Variants in GLB1 observed in about 807,000 individuals in gnomAD.
GLB1 encodes galactosidase beta 1.
GLB1 carries 56 observed loss-of-function variants against 74.0 expected under a neutral mutation model. The observed-to-expected ratio is 0.76, with a 90% CI of 0.61 to 0.94. The LOEUF (loss-of-function observed/expected upper bound fraction) is 0.94, where lower values mean the gene tolerates loss of function less well. Among genes scored for constraint, GLB1 ranks in the 40% least tolerant of loss-of-function variants. GLB1 has a pLI of 0.00. For synonymous variants in GLB1, 323 were observed against 323.6 expected (o/e 1.00, Z 0.02); for missense variants, 787 against 845.5 (o/e 0.93, Z 0.86).
At chr3:33,044,617 A>C (rs1162983662) in intron 10 of GLB1, among the ~76,000 whole-genome samples, 1 of 152,136 alleles carries the variant, frequency 6.6e-6, no homozygotes, top group Non-Finnish European at 1.5e-5. Context: ...GCAACATTTT[A>C]ACAATACATT....
the GLB1 span, among the ~76,000 whole-genome samples, chr3:32,989,374 G>A: frequency 3.9e-5 from 6 of 152,140 alleles, no homozygotes; most frequent in African/African-American, 9.7e-5. Flanking sequence ...AGGCACTTCC[G>A]GCTCACGAAA....
intron 5 of GLB1, 114 bp downstream of exon 5, chr3:33,065,349 C>A (rs976907741): frequency 7.3e-7 from 1 of 1,370,274 alleles, no homozygotes; most frequent in Non-Finnish European, 1.0e-6. Context: ...TGTGGCATTA[C>A]CTCTTAAAGA....
chr3:33,064,650 G>A (rs1699593483), intron 5 of GLB1, among the ~76,000 whole-genome samples: 3 of 151,036 alleles, frequency 2.0e-5, no homozygotes, highest in African/African-American at 7.3e-5. Context: ...GGTGGCATGC[G>A]CCTGTAATCC....
intron 5 of GLB1, among the ~76,000 whole-genome samples, chr3:33,064,696 G>C (rs527555498): frequency 7.3e-6 from 1 of 136,700 alleles, no homozygotes; most frequent in Admixed American, 8.5e-5. Flanking sequence ...AGAATTGCCT[G>C]AACTCAGAAG....
chr3:33,067,358 G>A (rs1439888643), intron 4 of GLB1, among the ~76,000 whole-genome samples: 1 of 151,982 alleles, frequency 6.6e-6, no homozygotes, highest in African/African-American at 2.4e-5. Context: ...GAGTGCAGTG[G>A]TACAATCATG....
chr3:33,017,445 A>C (rs1264894928), intron 13 of GLB1, among the ~76,000 whole-genome samples: 1 of 152,252 alleles, frequency 6.6e-6, no homozygotes, highest in Admixed American at 6.5e-5. Flanking sequence ...CCAAGTTAGA[A>C]GCGAAGAAAC....
chr3:33,082,671 C>G (rs2125569041), intron 1 of GLB1, among the ~76,000 whole-genome samples: 1 of 152,306 alleles, frequency 6.6e-6, no homozygotes, highest in Middle Eastern at 3.4e-3. Context: ...CTAATCTTTT[C>G]AAATCCTACT....
At chr3:32,982,314 CAAAAA>C in the GLB1 span, among the ~76,000 whole-genome samples, 2 of 75,910 alleles carry the variant, frequency 2.6e-5, no homozygotes, top group Non-Finnish European at 3.0e-5. Context: ...ACTCCGTCTC[CAAAAA>C]AAAAAAAAAA....
chr3:33,058,155 C>T lies in GLB1; in HGVS notation c.667G>A (p.Ala223Thr), dbSNP rs778227147. The T allele has an allele frequency of 1.9e-6, 3 of 1,614,000 alleles. No homozygotes were observed. In the African/African-American group the frequency reaches 4.0e-5, roughly 22 times the overall value. Residue 223 changes from alanine (A) to threonine (T), a missense_variant, in exon 6 of 16, where the codon GCA (alanine) becomes ACA (threonine). Ala to Thr is a moderately conservative substitution (Grantham distance 58). Coordinates refer to ENST00000307363, the MANE Select transcript of GLB1 (RefSeq NM_000404.4). The part of the protein sequence containing the change: ...DDVVLFTTDG[A>T]HKTFLKCGAL... ...CCACATTTCAGGAATGTTTTATGTG[C>T]TCCATCAGTGGTAAACAGAACCACA...
At chr3:33,076,302 C>T (rs774714209) in intron 1 of GLB1, among the ~76,000 whole-genome samples, 1 of 152,162 alleles carries the variant, frequency 6.6e-6, no homozygotes, top group Non-Finnish European at 1.5e-5. Flanking sequence ...AGCCACAGAG[C>T]CTCAATATAG....
chr3:33,031,729 AAG>A (rs1698050876), intron 10 of GLB1, among the ~76,000 whole-genome samples: 1 of 146,430 alleles, frequency 6.8e-6, no homozygotes, highest in African/African-American at 2.5e-5. Flanking sequence ...ATATCAAAAA[AAG>A]AGGGAAAATA....
At chr3:33,086,020 G>C (rs1700492534) in intron 1 of GLB1, among the ~76,000 whole-genome samples, 1 of 151,832 alleles carries the variant, frequency 6.6e-6, no homozygotes, top group Non-Finnish European at 1.5e-5. Context: ...TGAGAGTGCA[G>C]TGAGTTACAG....
intron 1 of GLB1, among the ~76,000 whole-genome samples, chr3:33,084,271 C>A (rs1043281759): frequency 2.6e-5 from 4 of 152,302 alleles, no homozygotes; most frequent in African/African-American, 9.6e-5. Flanking sequence ...ATTTGCATAA[C>A]ACGGGCTTCT....
At chr3:33,022,444 A>C (rs1184771910) in intron 11 of GLB1, among the ~76,000 whole-genome samples, 2 of 152,004 alleles carry the variant, frequency 1.3e-5, no homozygotes, top group Non-Finnish European at 2.9e-5. Flanking sequence ...TGAGGCAGGT[A>C]CTACTGTCCC....
chr3:33,013,207 C>T (rs1027390462), intron 15 of GLB1, among the ~76,000 whole-genome samples: 16 of 152,226 alleles, frequency 1.1e-4, no homozygotes, highest in African/African-American at 7.2e-5. Flanking sequence ...CTTACTCATC[C>T]TTCATATCTC....
chr3:32,980,885 G>T, the GLB1 span, among the ~76,000 whole-genome samples: 5 of 151,980 alleles, frequency 3.3e-5, no homozygotes, highest in Non-Finnish European at 7.4e-5. Flanking sequence ...GAGGTCAGAA[G>T]TTCGAGACCA....
intron 1 of GLB1, among the ~76,000 whole-genome samples, chr3:33,075,475 T>C (rs1700072343): frequency 6.6e-6 from 1 of 152,204 alleles, no homozygotes; most frequent in Non-Finnish European, 1.5e-5. Flanking sequence ...CTACCATCCA[T>C]TTACAAATAT....
In GLB1 at chr3:33,091,375, T is replaced by C. The variant is rs116853659; in HGVS notation, c.75+5636A>G. 1.5e-5 allele frequency: 15 copies of C among 985,392 alleles called. 1 individual carries two copies. In the East Asian group the frequency reaches 1.7e-3, roughly 112 times the overall value. 61.0% of individuals were successfully genotyped at this position (985,392 alleles called of 1,614,324 possible). On this transcript the variant is annotated intron_variant, in intron 1 of 15. Transcript: ENST00000307363. ...CCCCCTTTGCCTGCCAGAATGCACA[T>C]GAGGGAAGGAAGGCAAACCCCTAGC...
At chr3:33,045,855 T>C (rs959328106) in intron 10 of GLB1, 28 of 877,246 alleles carry the variant, frequency 3.2e-5, no homozygotes, top group African/African-American at 1.0e-4. Flanking sequence ...AAGAAGTGAA[T>C]CTGTAAGTAG....
Sources: allele counts gnomAD v4.1 joint callset (sites outside exome capture counted in the v4.1 genomes callset), GRCh38; gene constraint gnomAD v4.1.1; transcripts MANE v1.5; gene names NCBI Gene and HGNC (gene_info 2026-07-23, HGNC 2026-07-21).